The following ZNF681 variants were observed in gnomAD, a reference collection of about 807,000 sequenced individuals.
ZNF681 encodes the protein zinc finger protein 681.
ZNF681 carries 37 observed loss-of-function variants against 56.0 expected under a neutral mutation model. That is an observed-to-expected ratio of 0.66 (90% CI 0.51 to 0.87). The LOEUF (loss-of-function observed/expected upper bound fraction) is 0.87. Among genes scored for constraint, ZNF681 ranks in the 40% least tolerant of loss-of-function variants. The pLI is 0.00. For synonymous variants in ZNF681, 225 were observed against 248.6 expected, an observed-to-expected ratio of 0.91 and a Z score of 0.89; for missense variants, 741 against 744.9, an observed-to-expected ratio of 0.99 and a Z score of 0.06.
In ZNF681 at chr19:23,745,229, T is replaced by C. The variant is rs752045269; in HGVS notation, c.321A>G (p.Glu107=). The C allele has an allele frequency of 1.9e-6, 3 of 1,612,042 alleles. No individual in the cohort carries two copies. Among genetic ancestry groups the C allele is most frequent in the Non-Finnish European group, 2.5e-6 (3 of 1,179,490 alleles). The stretch of plus-strand genomic sequence containing the variant: ...TTTTACTTAACTGTAAATTCTCATG[T>C]TCACATTTTCCATATCTTCTTGGTG... ...KVTPRRYGKC[E]HENLQLSKSV... The change falls in exon 4 of 4, where the codon GAA becomes GAG. Residue 107 remains glutamate, a synonymous_variant. Transcript: ENST00000402377.
intron 3 of ZNF681, among the ~76,000 whole-genome samples, chr19:23,751,877 C>A (rs1451647369): frequency 4.6e-5 from 7 of 151,978 alleles, no homozygotes; most frequent in Non-Finnish European, 8.8e-5. Context: ...TTAGTAGAGA[C>A]GGGGTTCCAC....
At chr19:23,758,427 C>T (rs1969157705) in intron 1 of ZNF681, among the ~76,000 whole-genome samples, 1 of 152,200 alleles carries the variant, frequency 6.6e-6, no homozygotes, top group African/African-American at 2.4e-5. Context: ...AAGCTCTTCC[C>T]ATTCATGAAC....
chr19:23,754,154 T>G (rs188778241), intron 3 of ZNF681, among the ~76,000 whole-genome samples: 13 of 151,924 alleles, frequency 8.6e-5, no homozygotes, highest in African/African-American at 2.9e-4. Flanking sequence ...TCAGAGATGA[T>G]GCAAAAAAAG....
chr19:23,745,184 C>A lies in ZNF681; in HGVS notation c.366G>T (p.Val122=). The A allele has an allele frequency of 6.2e-7, 1 of 1,612,874 alleles. No homozygotes were observed. Among genetic ancestry groups the A allele is most frequent in the Non-Finnish European group, 8.5e-7 (1 of 1,179,720 alleles). Residue 122 remains valine (V), a synonymous_variant, in exon 4 of 4, where the codon GTG becomes GTT. Coordinates refer to ENST00000402377, the MANE Select transcript of ZNF681 (RefSeq NM_138286.3). ...QLSKSVDECK[V]QKGGYNGLNQ... Reference sequence around the variant, plus strand: ...TAAGTCCATTATAACCTCCTTTTTGCACTTTGCACTCATCCACACTTTTAC... The same window carrying A: ...TAAGTCCATTATAACCTCCTTTTTGAACTTTGCACTCATCCACACTTTTAC...
chr19:23,743,617 A>T lies in ZNF681; in HGVS notation c.1933T>A (p.Ser645Thr), dbSNP rs777004203. 2.0e-6 allele frequency: 3 copies of T among 1,485,276 alleles called. No homozygotes were observed. The highest frequency in any genetic ancestry group is 2.8e-5 in the South Asian group (2 of 71,072). The allele number at this position is 1,485,276 out of a possible 1,614,324, so 92.0% of individuals were successfully genotyped here. Residue 645 changes from serine to threonine, a missense_variant, in exon 4 of 4, where the codon TCT (serine) becomes ACT (threonine). Physicochemically the swap from Ser to Thr is moderately conservative, Grantham distance 58 (BLOSUM62 1). Coordinates refer to ENST00000402377, the MANE Select transcript of ZNF681 (RefSeq NM_138286.3). ...KHKRNYAGEKS is the reference protein window; with the variant it reads ...KHKRNYAGEKT ...TTGTTACATTCTTCACATTTCTAAG[A>T]TTTCTCACCAGCATAATTTCTTTTA...
chr19:23,747,379 C>T (rs1968959438), intron 3 of ZNF681, among the ~76,000 whole-genome samples: 1 of 151,984 alleles, frequency 6.6e-6, no homozygotes, highest in African/African-American at 2.4e-5. Flanking sequence ...GTGGCTCAAG[C>T]CTGTAATCCC....
chr19:23,748,104 TATG>T (rs1386723547), intron 3 of ZNF681, among the ~76,000 whole-genome samples: 5 of 152,168 alleles, frequency 3.3e-5, no homozygotes, highest in African/African-American at 1.2e-4. Flanking sequence ...TTTTTTTTGA[TATG>T]ATATTAAATG....
In ZNF681 at chr19:23,743,985, G is replaced by C. The variant is rs752552513; in HGVS notation, c.1565C>G (p.Thr522Ser). The part of the protein sequence containing the change: ...GKAFYRSSKL[T>S]EHKKIHTGEK... The stretch of plus-strand genomic sequence containing the variant: ...TCCAGTATGAATTTTCTTATGTTCA[G>C]TAAGTTTTGAGGATCGATAGAAAGC... The change falls in exon 4 of 4, where the codon ACT becomes AGT. Residue 522 changes from threonine (T) to serine (S), a missense_variant. Coordinates refer to ENST00000402377, the MANE Select transcript of ZNF681 (RefSeq NM_138286.3). The C allele has an allele frequency of 6.2e-7, 1 of 1,612,958 alleles. No individual in the cohort carries two copies. Among genetic ancestry groups the C allele is most frequent in the Admixed American group, 1.7e-5 (1 of 59,994 alleles).
At chr19:23,758,224 T>C (rs1483150335) in intron 1 of ZNF681, among the ~76,000 whole-genome samples, 1 of 152,196 alleles carries the variant, frequency 6.6e-6, no homozygotes, top group African/African-American at 2.4e-5. Flanking sequence ...GCTTCATCTA[T>C]TTTTCTAATG....
rs190749859 is a variant in ZNF681, at chr19:23,751,193, T to C, written c.226+3630A>G. Reference sequence around the variant, plus strand: ...ATGTACCATTAAGAATTTATCTAAATAGGCTGGGTGCGGTAGCTCACACAT... The same window carrying C: ...ATGTACCATTAAGAATTTATCTAAACAGGCTGGGTGCGGTAGCTCACACAT... On this transcript the variant is annotated intron_variant, in intron 3 of 3. Transcript: ENST00000402377. Among the ~76,000 whole-genome samples the C allele has an allele frequency of 2.2e-3, 315 of 145,756 alleles. 1 individual carries two copies. Among genetic ancestry groups the C allele is most frequent in the Admixed American group, 5.8e-3 (84 of 14,544 alleles).
intron 3 of ZNF681, among the ~76,000 whole-genome samples, chr19:23,753,884 T>C (rs535048564): frequency 7.1e-6 from 1 of 141,322 alleles, no homozygotes; most frequent in African/African-American, 2.6e-5. Flanking sequence ...AAAAGTGCCA[T>C]GTTATTCAAA....
chr19:23,750,942 G>A (rs1969019255), intron 3 of ZNF681, among the ~76,000 whole-genome samples: 1 of 151,208 alleles, frequency 6.6e-6, no homozygotes, highest in East Asian at 1.9e-4. Flanking sequence ...TGACCAAAAT[G>A]GAGAAACCCT....
chr19:23,740,809 T>A lies in ZNF681; in HGVS notation c.*2803A>T, dbSNP rs1968866477. Reference sequence around the variant, plus strand: ...ACATAAAATATAACAATACACTAATTTTGAAATTAAATCTAAATTTTTTGC... The same window carrying A: ...ACATAAAATATAACAATACACTAATATTGAAATTAAATCTAAATTTTTTGC... On this transcript the variant is annotated 3_prime_UTR_variant, in exon 4 of 4. Coordinates refer to ENST00000402377, the MANE Select transcript of ZNF681 (RefSeq NM_138286.3). The A allele has an allele frequency of 6.6e-6, 1 of 152,078 alleles. No homozygotes were observed. Among genetic ancestry groups the A allele is most frequent in the Non-Finnish European group, 1.5e-5 (1 of 68,012 alleles). The allele number at this position is 152,078 out of a possible 1,614,324, so 9.4% of individuals were successfully genotyped here.
intron 3 of ZNF681, among the ~76,000 whole-genome samples, chr19:23,746,089 C>T (rs1968940823): frequency 2.0e-5 from 3 of 151,994 alleles, no homozygotes; most frequent in African/African-American, 7.2e-5. Context: ...CCAAGGCAGG[C>T]AAATCAACTG....
chr19:23,750,269 G>A (rs1969005810), intron 3 of ZNF681, among the ~76,000 whole-genome samples: 1 of 127,196 alleles, frequency 7.9e-6, no homozygotes, highest in Non-Finnish European at 1.6e-5. Context: ...GGGCGACAGA[G>A]TGAGACTCCA....
At chr19:23,751,980 C>T (rs1024484584) in intron 3 of ZNF681, among the ~76,000 whole-genome samples, 2 of 152,192 alleles carry the variant, frequency 1.3e-5, no homozygotes, top group African/African-American at 4.8e-5. Context: ...AGCCACTGCG[C>T]CCGGCCTGAG....
At position 23,745,284 on chromosome 19, in the gene ZNF681, T is replaced by C; in HGVS notation, c.266A>G (p.Gln89Arg). Residue 89 changes from glutamine (Q) to arginine (R), a missense_variant, in exon 4 of 4, where the codon CAG becomes CGG. Gln to Arg is a conservative substitution (Grantham distance 43, BLOSUM62 1). Coordinates refer to ENST00000402377, the MANE Select transcript of ZNF681 (RefSeq NM_138286.3). ...SHFAQDFSPE[Q>R]NIKDSFQKVT... The stretch of plus-strand genomic sequence containing the variant: ...TTTTTGGAAAGAATCTTTTATGTTC[T>C]GCTCTGGTGAAAAGTCTTGGGCAAA... 1 of 1,584,592 alleles carries C rather than the reference T, an allele frequency of 6.3e-7. No homozygotes were observed. The highest frequency in any genetic ancestry group is 1.2e-5 in the South Asian group (1 of 85,250).
chr19:23,753,304 C>G (rs1373834235), intron 3 of ZNF681, among the ~76,000 whole-genome samples: 1 of 152,304 alleles, frequency 6.6e-6, no homozygotes, highest in Non-Finnish European at 1.5e-5. Context: ...GAGGCTGAGG[C>G]AGGATAATTG....
chr19:23,744,211 C>T lies in ZNF681; in HGVS notation c.1339G>A (p.Glu447Lys), dbSNP rs759655992. Residue 447 changes from glutamate (E) to lysine (K), a missense_variant, in exon 4 of 4, where the codon GAG becomes AAG. Transcript: ENST00000402377. ...LTEHKNIHTE[E>K]KPYKCEECGK... ...CATTCTTCACATTTGTATGGTTTCT[C>T]TTCAGTATGAATATTCTTATGTTCA... 1.2e-6 allele frequency: 2 copies of T among 1,613,578 alleles called. No homozygotes were observed. Among genetic ancestry groups the T allele is most frequent in the Non-Finnish European group, 1.7e-6 (2 of 1,179,830 alleles).
Sources: gnomAD v4.1 joint callset for allele counts (sites outside exome capture counted in the v4.1 genomes callset) on GRCh38, gnomAD v4.1.1 for gene constraint, MANE v1.5 for transcripts, NCBI Gene and HGNC (gene_info 2026-07-23, HGNC 2026-07-21) for gene names.